GPHN: variants seen among roughly 807,000 people sequenced by gnomAD.
GPHN encodes the protein gephyrin.
GPHN carries 17 observed loss-of-function variants against 95.5 expected under a neutral mutation model. The ratio of observed to expected loss-of-function variants is 0.18; its 90% confidence interval spans 0.12 to 0.27. GPHN has a LOEUF of 0.27. Ranked by LOEUF, GPHN falls within the 10% of genes least tolerant of loss-of-function variation. GPHN has a pLI of 1.00. For missense variants in GPHN, 660 were observed against 978.1 expected (o/e 0.67, Z 4.34); for synonymous variants, 320 against 322.5 (o/e 0.99, Z 0.08).
In GPHN at chr14:66,508,517, CG is replaced by C. The variant is rs1566730686; in HGVS notation, c.-10del. On this transcript the variant is annotated 5_prime_UTR_variant, in exon 1 of 23. Coordinates refer to ENST00000478722, the MANE Select transcript of GPHN (RefSeq NM_020806.5). ...CCGGCTCCTGTCAGTGCGGTGACTGCGCTGGGAAACATGGCGACCGAGGGAA... is the reference window on the plus strand; with the variant it reads ...CCGGCTCCTGTCAGTGCGGTGACTGCCTGGGAAACATGGCGACCGAGGGAA... The C allele has an allele frequency of 6.2e-7, 1 of 1,613,658 alleles. No individual in the cohort carries two copies. Among genetic ancestry groups the C allele is most frequent in the Non-Finnish European group, 8.5e-7 (1 of 1,179,580 alleles).
At chr14:67,588,546 G>A in the GPHN span, 1 of 151,952 alleles carries the variant, frequency 6.6e-6, no homozygotes, top group Non-Finnish European at 1.5e-5. Flanking sequence ...CCTCAATTCA[G>A]ACCTTCTGAT....
At chr14:67,716,472 T>C in the GPHN span, among the ~76,000 whole-genome samples, 1 of 152,272 alleles carries the variant, frequency 6.6e-6, no homozygotes, top group African/African-American at 2.4e-5. Flanking sequence ...TTTGAAATGT[T>C]ACGCTTCTTG....
intron 5 of GPHN, among the ~76,000 whole-genome samples, chr14:66,890,555 A>G (rs2064428756): frequency 6.6e-6 from 1 of 152,228 alleles, no homozygotes; most frequent in Admixed American, 6.5e-5. Context: ...ATTGAAGAGA[A>G]GACAACACTT....
chr14:66,794,241 T>G (rs2153473222), intron 3 of GPHN, among the ~76,000 whole-genome samples: 1 of 152,230 alleles, frequency 6.6e-6, no homozygotes. Flanking sequence ...GCTGTTCTTG[T>G]GATATTTAGT....
At chr14:67,731,340 G>A in the GPHN span, among the ~76,000 whole-genome samples, 500 of 149,536 alleles carry the variant, frequency 3.3e-3, 2 homozygotes, top group African/African-American at 0.012. Context: ...TCAGCCTCCC[G>A]AGTAGCTGGG....
chr14:66,610,135 T>C (rs1356421778), intron 1 of GPHN, among the ~76,000 whole-genome samples: 1 of 152,166 alleles, frequency 6.6e-6, no homozygotes, highest in Non-Finnish European at 1.5e-5. Context: ...GCCAAGACTC[T>C]GTACAGGATT....
At chr14:67,636,117 G>A in the GPHN span, among the ~76,000 whole-genome samples, 1 of 152,040 alleles carries the variant, frequency 6.6e-6, no homozygotes. Context: ...CTCCATGTCT[G>A]TTATTCTACC....
At chr14:67,108,478 G>A (rs915330857) in intron 13 of GPHN, among the ~76,000 whole-genome samples, 1 of 152,078 alleles carries the variant, frequency 6.6e-6, no homozygotes, top group African/African-American at 2.4e-5. Context: ...GAGGCAAACA[G>A]AAAATGAAAC....
chr14:66,776,128 G>C (rs2059374036), intron 2 of GPHN, among the ~76,000 whole-genome samples: 1 of 152,170 alleles, frequency 6.6e-6, no homozygotes, highest in East Asian at 1.9e-4. Flanking sequence ...TCTTAAAAAA[G>C]TCAAACATGT....
intron 10 of GPHN, among the ~76,000 whole-genome samples, chr14:67,038,309 G>A (rs143951595): frequency 1.3e-5 from 2 of 152,140 alleles, no homozygotes; most frequent in African/African-American, 4.8e-5. Context: ...GAGGGAAATA[G>A]GGAATTAGCC....
intron 5 of GPHN, among the ~76,000 whole-genome samples, chr14:66,899,914 T>G (rs1284472205): frequency 6.6e-6 from 1 of 151,870 alleles, no homozygotes; most frequent in Non-Finnish European, 1.5e-5. Context: ...TTTCTAGAGT[T>G]TTTTTACTAT....
chr14:67,617,402 C>T, the GPHN span: 6 of 152,212 alleles, frequency 3.9e-5, no homozygotes, highest in Admixed American at 6.5e-5. Flanking sequence ...TAACTCACTA[C>T]GTTCGGACCA....
At chr14:66,845,688 T>C (rs1017479495) in intron 4 of GPHN, among the ~76,000 whole-genome samples, 2 of 152,112 alleles carry the variant, frequency 1.3e-5, no homozygotes, top group Admixed American at 1.3e-4. Flanking sequence ...AATCCAGAGA[T>C]CCTTCATCCT....
At chr14:67,597,043 T>G in the GPHN span, among the ~76,000 whole-genome samples, 17 of 152,240 alleles carry the variant, frequency 1.1e-4, no homozygotes, top group Non-Finnish European at 1.3e-4. Flanking sequence ...TGTAAACTAT[T>G]TGGGCCTGTG....
rs1236615577 is a variant in GPHN at position 67,122,247 on chromosome 14, G to A, written c.1627-9G>A. ...TAGAATAATTTGTGGTGGTTTTTTG[G>A]CTTTGTAGCTGCTAAATCCTGAAGA... On this transcript the variant is annotated splice_polypyrimidine_tract_variant and intron_variant, in intron 16 of 22. Transcript: ENST00000478722. 1.2e-6 allele frequency: 2 copies of A among 1,612,984 alleles called. No homozygotes were observed. Among genetic ancestry groups the A allele is most frequent in the East Asian group, 2.2e-5 (1 of 44,832 alleles).
intron 3 of GPHN, among the ~76,000 whole-genome samples, chr14:66,777,541 T>C (rs942518537): frequency 6.6e-6 from 1 of 152,082 alleles, no homozygotes; most frequent in African/African-American, 2.4e-5. Context: ...TTTAGACCAA[T>C]ATCCTTGATG....
At chr14:66,653,999 A>T (rs1004674897) in intron 1 of GPHN, among the ~76,000 whole-genome samples, 3 of 152,220 alleles carry the variant, frequency 2.0e-5, no homozygotes, top group African/African-American at 7.2e-5. Flanking sequence ...AACTGCTAAA[A>T]TGTATGCAGA....
At chr14:67,104,330 G>A (rs544267499) in intron 13 of GPHN, among the ~76,000 whole-genome samples, 166 of 152,150 alleles carry the variant, frequency 1.1e-3, no homozygotes, top group African/African-American at 3.9e-3. Context: ...TTTTTGTGTT[G>A]TATCCTTTTA....
chr14:67,221,682 T>C, the GPHN span: 1 of 1,547,814 alleles, frequency 6.5e-7, no homozygotes, highest in Non-Finnish European at 8.7e-7. Context: ...CCACAGAGCA[T>C]TTAAAGAATG....
Sources: allele counts gnomAD v4.1 joint callset (sites outside exome capture counted in the v4.1 genomes callset), GRCh38; gene constraint gnomAD v4.1.1; transcripts MANE v1.5; gene names NCBI Gene and HGNC (gene_info 2026-07-23, HGNC 2026-07-21).